The following ANKRD36 variants were observed in gnomAD, a reference collection of about 807,000 sequenced individuals.
ANKRD36 encodes ankyrin repeat domain-containing protein 36A.
In ANKRD36, 179 loss-of-function variants were observed where a neutral mutation model predicts 278.1. The observed-to-expected ratio is 0.64, with a 90% CI of 0.57 to 0.73. The LOEUF (loss-of-function observed/expected upper bound fraction) is 0.73. Ranked by LOEUF, ANKRD36 falls within the 30% of genes least tolerant of loss-of-function variation. The pLI is 0.00. For missense variants in ANKRD36, 1,159 were observed against 1,956.7 expected, an observed-to-expected ratio of 0.59 and a Z score of 7.69; for synonymous variants, 320 against 641.1, an observed-to-expected ratio of 0.50 and a Z score of 7.57.
Position 97,207,926 on chromosome 2 carries a change from C to G in ANKRD36, c.3193-8C>G. ...TTAATTTATTATTTCATTTGAAATT[C>G]CATTCAGGCTACAAGTGCCGAGAAA... On this transcript the variant is annotated splice_polypyrimidine_tract_variant and splice_region_variant and intron_variant, in intron 53 of 75. Transcript: ENST00000420699. The G allele has an allele frequency of 1.3e-6, 2 of 1,530,542 alleles. No individual in the cohort carries two copies. Among genetic ancestry groups the G allele is most frequent in the Non-Finnish European group, 1.8e-6 (2 of 1,136,450 alleles). 94.8% of individuals were successfully genotyped at this position (1,530,542 alleles called of 1,614,324 possible).
chr2:97,185,021 G>A lies in ANKRD36; in HGVS notation c.1940-295G>A, dbSNP rs118035861. 2.2e-3 allele frequency among the ~76,000 whole-genome samples: 327 copies of A among 151,838 alleles called. 15 individuals are homozygous for A. The East Asian group carries it at 0.058, about 27-fold the overall frequency. ...TGTATGAGTTGCTCCTCTGATTTTA[G>A]ATCACTTTTGTCCTCATCATTCAGC... On this transcript the variant is annotated intron_variant, in intron 28 of 75. Transcript: ENST00000420699.
At chr2:97,150,876 TTTTTTTTTTCTTTC>T (rs2045765087) in intron 12 of ANKRD36, among the ~76,000 whole-genome samples, 1 of 32,892 alleles carries the variant, frequency 3.0e-5, no homozygotes, top group Admixed American at 3.5e-4. Flanking sequence ...TTTATTGTTT[TTTTTTTTTTCTTTC>T]CCCCTCTCTC....
At chr2:97,210,735 C>T (rs1160494512) in intron 56 of ANKRD36, among the ~76,000 whole-genome samples, 5 of 151,796 alleles carry the variant, frequency 3.3e-5, no homozygotes, top group Non-Finnish European at 7.4e-5. Flanking sequence ...CTAATTAACT[C>T]CTAAAATAGT....
At chr2:97,230,807 A>G (rs1327454157) in intron 67 of ANKRD36, among the ~76,000 whole-genome samples, 4 of 152,036 alleles carry the variant, frequency 2.6e-5, no homozygotes, top group African/African-American at 7.2e-5. Context: ...TGATGTACAG[A>G]TGGGTTTTTG....
At chr2:97,220,012 CTTA>C (rs2066963992) in intron 66 of ANKRD36, among the ~76,000 whole-genome samples, 5 of 140,120 alleles carry the variant, frequency 3.6e-5, no homozygotes, top group East Asian at 4.4e-4. Context: ...TTTTGTTACA[CTTA>C]TTATATTAAG....
chr2:97,117,501 C>T (rs2035803871), intron 1 of ANKRD36, among the ~76,000 whole-genome samples: 1 of 151,770 alleles, frequency 6.6e-6, no homozygotes, highest in Non-Finnish European at 1.5e-5. Context: ...AACAGTATTC[C>T]AATGTCAGGA....
intron 66 of ANKRD36, among the ~76,000 whole-genome samples, chr2:97,224,575 G>T (rs1247980179): frequency 6.6e-6 from 1 of 151,820 alleles, no homozygotes; most frequent in Non-Finnish European, 1.5e-5. Flanking sequence ...CCAGCCTCCC[G>T]ACTAGCTGGG....
intron 44 of ANKRD36, among the ~76,000 whole-genome samples, chr2:97,199,978 G>T (rs2060873319): frequency 6.6e-6 from 1 of 151,890 alleles, no homozygotes; most frequent in Non-Finnish European, 1.5e-5. Context: ...GTGGGATCAT[G>T]TAGCACCTGT....
intron 66 of ANKRD36, among the ~76,000 whole-genome samples, chr2:97,224,454 T>G (rs1248575191): frequency 3.3e-5 from 5 of 150,390 alleles, no homozygotes; most frequent in African/African-American, 4.9e-5. Context: ...GTTTTTTTGT[T>G]TTTTTTTTTT....
intron 6 of ANKRD36, among the ~76,000 whole-genome samples, chr2:97,141,337 A>G (rs1380554700): frequency 1.4e-5 from 2 of 146,280 alleles, no homozygotes; most frequent in Admixed American, 7.0e-5. Context: ...GAATCTGATT[A>G]TGCATGATTT....
In ANKRD36 at chr2:97,122,920, C is replaced by G. The variant is rs192445907; in HGVS notation, c.520C>G (p.Arg174Gly). The change falls in exon 4 of 76, where the codon CGA becomes GGA. Residue 174 changes from arginine to glycine, a missense_variant. By Grantham distance (125) the Arg-to-Gly change is moderately radical. Transcript: ENST00000420699. ...TCAGCCACTGTTATTTGCTGTGAGT[C>G]GAAGAAAAGTGAAAATGGTGGAATT... ...EYQPLLFAVS[R>G]RKVKMVEFLL... 6.5e-7 allele frequency: 1 copy of G among 1,542,320 alleles called. No homozygotes were observed. Among genetic ancestry groups the G allele is most frequent in the Admixed American group, 2.0e-5 (1 of 49,886 alleles).
At chr2:97,115,398 C>T (rs1342677486) in intron 1 of ANKRD36, among the ~76,000 whole-genome samples, 1 of 151,466 alleles carries the variant, frequency 6.6e-6, no homozygotes, top group Non-Finnish European at 1.5e-5. Context: ...TTCTGAAGGT[C>T]GATTTAGCAA....
At position 97,117,651 on chromosome 2, in the gene ANKRD36, T is replaced by C. The variant is rs144539508; in HGVS notation, c.198-413T>C. Among the ~76,000 whole-genome samples, 786 of 152,022 alleles carry C rather than the reference T, an allele frequency of 5.2e-3. 9 individuals are homozygous for C. Among genetic ancestry groups the C allele is most frequent in the African/African-American group, 0.018 (754 of 41,360 alleles). On this transcript the variant is annotated intron_variant, in intron 1 of 75. Coordinates refer to ENST00000420699, the MANE Select transcript of ANKRD36 (RefSeq NM_001354587.1). Reference sequence around the variant, plus strand: ...GATATGATTGTATCATTTTACTTAATTAAAATGTCTTTGTAGGTAGTAATA... The same window carrying C: ...GATATGATTGTATCATTTTACTTAACTAAAATGTCTTTGTAGGTAGTAATA...
chr2:97,196,644 T>C (rs1431117865), intron 41 of ANKRD36, 23 bp downstream of exon 41: 2 of 1,603,160 alleles, frequency 1.2e-6, no homozygotes, highest in East Asian at 2.3e-5. Context: ...CCATTTATCA[T>C]GTGAACGAGT....
intron 5 of ANKRD36, among the ~76,000 whole-genome samples, chr2:97,124,954 C>T (rs1388599718): frequency 6.6e-6 from 1 of 151,776 alleles, no homozygotes; most frequent in African/African-American, 2.4e-5. Flanking sequence ...TTATTTGGGT[C>T]TCAAAATGTC....
At chr2:97,230,728 T>C (rs895966062) in intron 67 of ANKRD36, among the ~76,000 whole-genome samples, 8 of 152,060 alleles carry the variant, frequency 5.3e-5, no homozygotes, top group Non-Finnish European at 7.3e-5. Flanking sequence ...CTTTTTAGAG[T>C]TTCCAGTTTT....
At chr2:97,196,297 A>G (rs1487664574) in intron 40 of ANKRD36, among the ~76,000 whole-genome samples, 1 of 151,428 alleles carries the variant, frequency 6.6e-6, no homozygotes, top group Non-Finnish European at 1.5e-5. Context: ...ATTTTAGATC[A>G]CATTTGTTCT....
intron 50 of ANKRD36, among the ~76,000 whole-genome samples, chr2:97,204,667 T>C (rs1362315288): frequency 6.6e-6 from 1 of 151,538 alleles, no homozygotes; most frequent in Non-Finnish European, 1.5e-5. Flanking sequence ...GTAGACACTG[T>C]AGGAGAACTA....
chr2:97,142,852 A>G lies in ANKRD36; in HGVS notation c.901+17A>G. 1 of 1,549,140 alleles carries G rather than the reference A, an allele frequency of 6.5e-7. No individual in the cohort carries two copies. The highest frequency in any genetic ancestry group is 8.7e-7 in the Non-Finnish European group (1 of 1,147,820). ...CTGGGACAGGTATTTTGGAATACAC[A>G]TTTAATGTCATGTTCACTCAGGATA... On this transcript the variant is annotated intron_variant, in intron 8 of 75. Transcript: ENST00000420699.
Sources: gnomAD v4.1 joint callset for allele counts (sites outside exome capture counted in the v4.1 genomes callset) on GRCh38, gnomAD v4.1.1 for gene constraint, MANE v1.5 for transcripts, NCBI Gene and HGNC (gene_info 2026-07-23, HGNC 2026-07-21) for gene names.